RERE: variants seen among roughly 807,000 people sequenced by gnomAD.
The protein encoded by RERE is arginine-glutamic acid dipeptide repeats protein.
In RERE, 40 loss-of-function variants were observed where a neutral mutation model predicts 146.1. That is an observed-to-expected ratio of 0.27 (90% CI 0.21 to 0.36). The LOEUF is 0.36. Ranked by LOEUF, RERE falls within the 10% of genes least tolerant of loss-of-function variation. RERE has a pLI of 1.00. For missense variants in RERE, 1,933 were observed against 2,138.7 expected (o/e 0.90, Z 1.90); for synonymous variants, 1,003 against 866.0 (o/e 1.16, Z -2.78).
At chr1:8,725,768 A>G (rs536598746) in intron 1 of RERE, among the ~76,000 whole-genome samples, 11 of 152,226 alleles carry the variant, frequency 7.2e-5, no homozygotes, top group Non-Finnish European at 1.0e-4. Flanking sequence ...AGTCAATAAC[A>G]TAAGGATTAG....
chr1:8,615,903 TGG>T (rs1288525254), intron 3 of RERE, among the ~76,000 whole-genome samples: 1 of 138,698 alleles, frequency 7.2e-6, no homozygotes, highest in Admixed American at 7.1e-5. Context: ...GAGTACATCC[TGG>T]GATCTACACT....
At chr1:8,492,584 G>A (rs1173453024) in intron 10 of RERE, among the ~76,000 whole-genome samples, 2 of 151,748 alleles carry the variant, frequency 1.3e-5, no homozygotes, top group African/African-American at 4.8e-5. Flanking sequence ...AAAGTAAGAC[G>A]ATGTCTCTAC....
intron 8 of RERE, among the ~76,000 whole-genome samples, chr1:8,500,279 T>C (rs1160397189): frequency 6.6e-6 from 1 of 152,182 alleles, no homozygotes; most frequent in Admixed American, 6.5e-5. Flanking sequence ...AAAGTACTAT[T>C]ACTGTGAGCA....
intron 1 of RERE, among the ~76,000 whole-genome samples, chr1:8,797,728 G>A (rs1569819554): frequency 6.6e-6 from 1 of 152,142 alleles, no homozygotes; most frequent in African/African-American, 2.4e-5. Context: ...TTTAAATCCA[G>A]TACCAAAGCA....
At chr1:8,492,798 C>T (rs1644995601) in intron 10 of RERE, among the ~76,000 whole-genome samples, 1 of 152,134 alleles carries the variant, frequency 6.6e-6, no homozygotes, top group Admixed American at 6.6e-5. Flanking sequence ...TCAGCTACAG[C>T]TCTTGGGAAG....
intron 12 of RERE, among the ~76,000 whole-genome samples, chr1:8,389,561 A>T (rs1642806914): frequency 6.7e-6 from 1 of 149,258 alleles, no homozygotes; most frequent in Admixed American, 6.6e-5. Flanking sequence ...AACACAAAAA[A>T]GGTCTTAGGC....
In RERE at chr1:8,735,344, C is replaced by A. The variant is rs1640174656; in HGVS notation, c.-144-78903G>T. ...TATGCATGGTACTGTAGGTGGGCTA[C>A]CCCACACCCCCAGTCATATCAGCTT... On this transcript the variant is annotated intron_variant, in intron 1 of 22. Coordinates refer to ENST00000400908, the MANE Select transcript of RERE (RefSeq NM_001042681.2). 2.0e-5 allele frequency among the ~76,000 whole-genome samples: 3 copies of A among 152,158 alleles called. No homozygotes were observed. In the South Asian group the frequency reaches 6.2e-4, roughly 31 times the overall value.
At position 8,496,392 on chromosome 1, in the gene RERE, G is replaced by A. The variant is rs570038582; in HGVS notation, c.1004+1013C>T. 6.5e-4 allele frequency among the ~76,000 whole-genome samples: 99 copies of A among 151,896 alleles called. 1 individual carries two copies. Among genetic ancestry groups the A allele is most frequent in the Non-Finnish European group, 1.0e-3 (70 of 67,970 alleles). On this transcript the variant is annotated intron_variant, in intron 9 of 22. Transcript: ENST00000400908. Reference sequence around the variant, plus strand: ...CTCAGGAGGCTGAGGCAGGAGGATCGCTTGAGCTCAGGAAGTTAAGGCTGT... The same window carrying A: ...CTCAGGAGGCTGAGGCAGGAGGATCACTTGAGCTCAGGAAGTTAAGGCTGT...
chr1:8,717,555 T>C (rs1021501356), intron 1 of RERE, among the ~76,000 whole-genome samples: 3 of 152,192 alleles, frequency 2.0e-5, no homozygotes, highest in African/African-American at 7.2e-5. Context: ...AAACATACCT[T>C]AAAGGTTATG....
At chr1:8,424,383 C>G (rs2124475182) in intron 11 of RERE, 1 of 152,402 alleles carries the variant, frequency 6.6e-6, no homozygotes, top group Admixed American at 6.5e-5. Context: ...CCAGACTTAG[C>G]CTTTTAAGAC....
At chr1:8,386,856 G>A (rs1381575362) in intron 12 of RERE, among the ~76,000 whole-genome samples, 1 of 152,062 alleles carries the variant, frequency 6.6e-6, no homozygotes, top group Non-Finnish European at 1.5e-5. Flanking sequence ...GTAGTGTGAG[G>A]AAAGGAAAGA....
intron 11 of RERE, among the ~76,000 whole-genome samples, chr1:8,460,558 TTAAC>T (rs1477297216): frequency 1.3e-5 from 2 of 152,234 alleles, no homozygotes; most frequent in Non-Finnish European, 2.9e-5. Context: ...CTACCACAGA[TTAAC>T]TATTTTTGGA....
At chr1:8,401,247 C>T (rs1417201299) in intron 12 of RERE, among the ~76,000 whole-genome samples, 1 of 146,238 alleles carries the variant, frequency 6.8e-6, no homozygotes, top group Non-Finnish European at 1.5e-5. Context: ...TAGCAAACTG[C>T]ATTTTCAAAG....
At position 8,768,035 on chromosome 1, in the gene RERE, G is replaced by A. The variant is rs542903629; in HGVS notation, c.-145+49125C>T. ...AAGTGATGGAGAAAAGACGAGCTAC[G>A]TGGTGGACAGATACAGAAGGACCAC... On this transcript the variant is annotated intron_variant, in intron 1 of 22. Coordinates refer to ENST00000400908, the MANE Select transcript of RERE (RefSeq NM_001042681.2). Among the ~76,000 whole-genome samples the A allele has an allele frequency of 2.6e-5, 4 of 152,226 alleles. No homozygotes were observed. The South Asian group carries it at 6.2e-4, about 24-fold the overall frequency.
chr1:8,795,420 T>C (rs1220118171), intron 1 of RERE, among the ~76,000 whole-genome samples: 4 of 151,992 alleles, frequency 2.6e-5, no homozygotes, highest in Admixed American at 6.6e-5. Flanking sequence ...GCCTCTGCCT[T>C]CCAAGTAGCT....
chr1:8,723,457 C>G (rs920191338), intron 1 of RERE, among the ~76,000 whole-genome samples: 2 of 152,028 alleles, frequency 1.3e-5, no homozygotes, highest in African/African-American at 4.8e-5. Flanking sequence ...AAACACTAAT[C>G]ATTGTTTTTT....
intron 1 of RERE, among the ~76,000 whole-genome samples, chr1:8,690,441 A>G (rs1164468801): frequency 6.6e-6 from 1 of 151,822 alleles, no homozygotes; most frequent in Non-Finnish European, 1.5e-5. Flanking sequence ...GAGGCAATAC[A>G]ATTCAGTCCA....
intron 4 of RERE, among the ~76,000 whole-genome samples, chr1:8,565,058 C>T (rs922425912): frequency 3.9e-5 from 6 of 151,928 alleles, no homozygotes; most frequent in Non-Finnish European, 7.4e-5. Context: ...GAAGTGGTTA[C>T]AGAGGCTGGG....
chr1:8,453,328 C>T (rs189708884), intron 11 of RERE, among the ~76,000 whole-genome samples: 1 of 152,188 alleles, frequency 6.6e-6, no homozygotes, highest in African/African-American at 2.4e-5. Flanking sequence ...AGAGCCCACC[C>T]CACTCTTTAA....
Sources: allele counts gnomAD v4.1 joint callset (sites outside exome capture counted in the v4.1 genomes callset), GRCh38; gene constraint gnomAD v4.1.1; transcripts MANE v1.5; gene names NCBI Gene and HGNC (gene_info 2026-07-23, HGNC 2026-07-21).